XPO5: variants seen among roughly 807,000 people sequenced by gnomAD.
XPO5 encodes the protein exportin-5.
XPO5 carries 46 observed loss-of-function variants against 160.6 expected under a neutral mutation model. The observed-to-expected ratio is 0.29, with a 90% confidence interval of 0.23 to 0.37. The LOEUF is 0.37. Among genes scored for constraint, XPO5 ranks in the 10% least tolerant of loss-of-function variants. The probability of loss-of-function intolerance (pLI) is 1.00; values close to 1 mark genes in which losing one functional copy is unlikely to be tolerated. For missense variants in XPO5, 1,090 were observed against 1,463.9 expected, an observed-to-expected ratio of 0.74 and a Z score of 4.17; for synonymous variants, 537 against 519.3, an observed-to-expected ratio of 1.03 and a Z score of -0.46.
chr6:43,570,003 C>CTTTTTTT (rs35322286), intron 5 of XPO5, among the ~76,000 whole-genome samples: 1 of 85,384 alleles, frequency 1.2e-5, no homozygotes, highest in African/African-American at 4.7e-5. Flanking sequence ...AGATCCCTAT[C>CTTTTTTT]TTTTTTTTTT....
At chr6:43,567,145 A>T (rs1247124066) in intron 7 of XPO5, 24 bp downstream of exon 7, 12 of 1,597,880 alleles carry the variant, frequency 7.5e-6, no homozygotes, top group Non-Finnish European at 1.0e-5. Context: ...ACTGAGGATA[A>T]GTCAGTTTGA....
At chr6:43,567,886 C>T (rs1219757526) in intron 6 of XPO5, among the ~76,000 whole-genome samples, 2 of 148,730 alleles carry the variant, frequency 1.3e-5, no homozygotes, top group African/African-American at 5.0e-5. Flanking sequence ...CAGTGAGCCA[C>T]GTTTGCGTCA....
At chr6:43,546,796 A>C in intron 19 of XPO5, 44 bp from the exon 20 acceptor site, 1 of 1,495,948 alleles carries the variant, frequency 6.7e-7, no homozygotes, top group East Asian at 2.5e-5. Flanking sequence ...AAAGGAAAAA[A>C]AAAAAAAGAC....
Position 43,575,903 on chromosome 6 carries a change from C to T in XPO5, c.-39G>A, listed in dbSNP as rs1346133961. Reference sequence around the variant, plus strand: ...CGCCGAGAGCGCACACCACTGCAGTCCCGGGACCACGAGGCACGACAGCTC... The same window carrying T: ...CGCCGAGAGCGCACACCACTGCAGTTCCGGGACCACGAGGCACGACAGCTC... On this transcript the variant is annotated 5_prime_UTR_variant, in exon 1 of 32. Coordinates refer to ENST00000265351, the MANE Select transcript of XPO5 (RefSeq NM_020750.3). 1 of 1,595,328 alleles carries T rather than the reference C, an allele frequency of 6.3e-7. No homozygotes were observed. Among genetic ancestry groups the T allele is most frequent in the Non-Finnish European group, 8.6e-7 (1 of 1,166,620 alleles).
At chr6:43,548,573 C>A in intron 17 of XPO5, 113 bp from the exon 18 acceptor site, 1 of 949,536 alleles carries the variant, frequency 1.1e-6, no homozygotes. Flanking sequence ...AAAGTCAGGC[C>A]TATAAGGTTA....
intron 1 of XPO5, among the ~76,000 whole-genome samples, chr6:43,575,287 G>T (rs1337452196): frequency 6.6e-6 from 1 of 152,162 alleles, no homozygotes; most frequent in Non-Finnish European, 1.5e-5. Flanking sequence ...TAAGCATAAG[G>T]GTACCAGAGG....
chr6:43,530,641 C>A (rs375689950), intron 23 of XPO5, 47 bp downstream of exon 23: 1 of 1,601,360 alleles, frequency 6.2e-7, no homozygotes, highest in South Asian at 1.1e-5. Context: ...GTTTCTCTCT[C>A]TAATTTTCTG....
intron 20 of XPO5, among the ~76,000 whole-genome samples, chr6:43,542,732 T>C (rs1347202501): frequency 2.6e-5 from 4 of 152,114 alleles, no homozygotes; most frequent in Admixed American, 6.6e-5. Flanking sequence ...AGCCAAAAAA[T>C]AGTAATTTAA....
chr6:43,524,041 C>A, intron 31 of XPO5, 36 bp from the exon 32 acceptor site: 2 of 1,601,548 alleles, frequency 1.2e-6, no homozygotes, highest in Middle Eastern at 1.7e-4. Flanking sequence ...TAATGCTGGG[C>A]CCTCAGTAGT....
In XPO5 at chr6:43,575,883, A is replaced by C; in HGVS notation, c.-19T>G. The stretch of plus-strand genomic sequence containing the variant: ...TCGCCATGCCTAGCGCCACGCGCCG[A>C]GAGCGCACACCACTGCAGTCCCGGG... On this transcript the variant is annotated 5_prime_UTR_variant, in exon 1 of 32. Coordinates refer to ENST00000265351, the MANE Select transcript of XPO5 (RefSeq NM_020750.3). 1 of 1,612,698 alleles carries C rather than the reference A, an allele frequency of 6.2e-7. No homozygotes were observed. Among genetic ancestry groups the C allele is most frequent in the South Asian group, 1.1e-5 (1 of 91,034 alleles).
chr6:43,569,496 G>C (rs972503220), intron 5 of XPO5, among the ~76,000 whole-genome samples: 10 of 152,206 alleles, frequency 6.6e-5, no homozygotes, highest in Non-Finnish European at 1.3e-4. Flanking sequence ...CACTTTGGAA[G>C]ACCAAGGCAG....
chr6:43,568,672 G>C, intron 6 of XPO5, 39 bp downstream of exon 6: 7 of 1,542,840 alleles, frequency 4.5e-6, no homozygotes, highest in Non-Finnish European at 6.1e-6. Flanking sequence ...CACCTGAAAG[G>C]TTCAAAGGTC....
intron 23 of XPO5, 72 bp from the exon 24 acceptor site, chr6:43,528,997 C>G (rs888529858): frequency 7.8e-6 from 11 of 1,415,378 alleles, no homozygotes; most frequent in Non-Finnish European, 8.7e-6. Flanking sequence ...GGGTTGCACC[C>G]CTGGGCAGAA....
chr6:43,548,765 T>A (rs923574510), intron 17 of XPO5, among the ~76,000 whole-genome samples: 2 of 151,192 alleles, frequency 1.3e-5, no homozygotes, highest in African/African-American at 4.8e-5. Flanking sequence ...TATATGGAGA[T>A]AACTGCTGTG....
At chr6:43,541,813 T>C (rs534074798) in intron 20 of XPO5, among the ~76,000 whole-genome samples, 40 of 152,372 alleles carry the variant, frequency 2.6e-4, no homozygotes, top group Middle Eastern at 3.4e-3. Context: ...AGTCTCATTC[T>C]TTCTCCCAGG....
At position 43,565,760 on chromosome 6, in the gene XPO5, T is replaced by C. The variant is rs375266137; in HGVS notation, c.835-24A>G. The C allele has an allele frequency of 5.5e-5, 86 of 1,562,396 alleles. No individual in the cohort carries two copies. In the East Asian group the frequency reaches 6.6e-4, roughly 12 times the overall value. ...CCCTAGACCCAATTTTAGGGAAACA[T>C]AGTCATATAAACTATACTTCAAAGT... On this transcript the variant is annotated intron_variant, in intron 7 of 31. Coordinates refer to ENST00000265351, the MANE Select transcript of XPO5 (RefSeq NM_020750.3).
intron 20 of XPO5, among the ~76,000 whole-genome samples, chr6:43,535,287 A>C (rs1027023265): frequency 1.1e-3 from 172 of 151,322 alleles, no homozygotes; most frequent in South Asian, 4.2e-4. Flanking sequence ...ACAAAACCCC[A>C]AAAAACAGAA....
intron 14 of XPO5, among the ~76,000 whole-genome samples, chr6:43,552,244 G>A (rs888266947): frequency 1.1e-4 from 16 of 152,028 alleles, no homozygotes; most frequent in Admixed American, 3.3e-4. Flanking sequence ...TTTTAGTAGA[G>A]ACAGGGTTTC....
At chr6:43,566,072 C>G (rs1762680461) in intron 7 of XPO5, among the ~76,000 whole-genome samples, 1 of 152,084 alleles carries the variant, frequency 6.6e-6, no homozygotes, top group African/African-American at 2.4e-5. Context: ...GCCTGGTCAA[C>G]ATGGTGAAAC....
Sources: allele counts gnomAD v4.1 joint callset (sites outside exome capture counted in the v4.1 genomes callset), GRCh38; gene constraint gnomAD v4.1.1; transcripts MANE v1.5; gene names NCBI Gene and HGNC (gene_info 2026-07-23, HGNC 2026-07-21).